The following SERPINI1 variants were observed in gnomAD, a reference collection of about 807,000 sequenced individuals.
SERPINI1 encodes the protein neuroserpin.
A neutral mutation model predicts 41.1 loss-of-function variants in SERPINI1; 19 were observed. That is an observed-to-expected ratio of 0.46 (90% confidence interval 0.32 to 0.68). The LOEUF (loss-of-function observed/expected upper bound fraction) is 0.68, where lower values mean the gene tolerates loss of function less well. Among genes scored for constraint, SERPINI1 ranks in the 30% least tolerant of loss-of-function variants. The pLI, the probability that SERPINI1 is intolerant of heterozygous loss-of-function variation, is 0.03. For missense variants in SERPINI1, 460 were observed against 479.2 expected (o/e 0.96, Z 0.37); for synonymous variants, 138 against 156.6 (o/e 0.88, Z 0.89).
chr3:167,784,569 G>A (rs1727242120), intron 1 of SERPINI1, among the ~76,000 whole-genome samples: 2 of 152,294 alleles, frequency 1.3e-5, no homozygotes, highest in Admixed American at 6.5e-5. Flanking sequence ...GGCCTCAGGA[G>A]ACTTACAATC....
chr3:167,805,371 T>G (rs1226361760), intron 5 of SERPINI1, among the ~76,000 whole-genome samples: 3 of 152,234 alleles, frequency 2.0e-5, no homozygotes, highest in Non-Finnish European at 4.4e-5. Flanking sequence ...TTCATATCCT[T>G]TGCCCACTTT....
chr3:167,772,864 C>CTCTCTCTCTCTCTCTATA (rs1374013676), intron 1 of SERPINI1, among the ~76,000 whole-genome samples: 10 of 24,646 alleles, frequency 4.1e-4, no homozygotes, highest in Admixed American at 6.3e-4. Context: ...CTCTCTCTCT[C>CTCTCTCTCTCTCTCTATA]TATATATATA....
intron 1 of SERPINI1, among the ~76,000 whole-genome samples, chr3:167,736,396 C>G (rs1274493254): frequency 6.6e-6 from 1 of 152,194 alleles, no homozygotes; most frequent in Admixed American, 6.5e-5. Context: ...AAAAGTATAA[C>G]TTTTGCCAGC....
chr3:167,790,235 G>C, intron 2 of SERPINI1, 137 bp from the exon 3 acceptor site: 1 of 679,238 alleles, frequency 1.5e-6, no homozygotes, highest in Non-Finnish European at 2.7e-6. Flanking sequence ...CCATATCAAT[G>C]TGGGGGAAAG....
intron 5 of SERPINI1, among the ~76,000 whole-genome samples, chr3:167,805,772 T>C (rs1261566186): frequency 2.6e-5 from 4 of 152,162 alleles, no homozygotes; most frequent in African/African-American, 9.7e-5. Context: ...TAGTCAGTTT[T>C]CGCAGCACCA....
chr3:167,745,085 A>T (rs2108531225), intron 1 of SERPINI1, among the ~76,000 whole-genome samples: 1 of 151,594 alleles, frequency 6.6e-6, no homozygotes, highest in South Asian at 2.1e-4. Context: ...AAGATTAGAT[A>T]ACCTAGATGA....
intron 1 of SERPINI1, among the ~76,000 whole-genome samples, chr3:167,738,220 A>T (rs1725548095): frequency 1.3e-5 from 2 of 152,290 alleles, no homozygotes; most frequent in South Asian, 4.1e-4. Context: ...AATATGTATG[A>T]TGAGAAAGGA....
At chr3:167,789,508 A>G in intron 2 of SERPINI1, 130 bp downstream of exon 2, 2 of 1,077,556 alleles carry the variant, frequency 1.9e-6, no homozygotes. Flanking sequence ...TGGTATGGCT[A>G]GAAGGATTAG....
rs1307976568 is a variant in SERPINI1, at chr3:167,773,987, C to T, written c.-18-15124C>T. Among the ~76,000 whole-genome samples, 6 of 152,034 alleles carry T rather than the reference C, an allele frequency of 3.9e-5. No homozygotes were observed. The East Asian group carries it at 9.6e-4, about 24-fold the overall frequency. On this transcript the variant is annotated intron_variant, in intron 1 of 8. Transcript: ENST00000446050. ...GAGCCACTTAACTTAGGTTGGTGTT[C>T]CATATCAGTTAGAGATTTCTTCTGT...
intron 4 of SERPINI1, among the ~76,000 whole-genome samples, chr3:167,793,596 A>ATATATATATTTTTTTTT: frequency 2.1e-5 from 3 of 140,620 alleles, no homozygotes; most frequent in African/African-American, 8.2e-5. Context: ...ATATATATAT[A>ATATATATATTTTTTTTT]TTTTTAATTA....
At chr3:167,773,325 A>G (rs940594977) in intron 1 of SERPINI1, among the ~76,000 whole-genome samples, 1 of 152,152 alleles carries the variant, frequency 6.6e-6, no homozygotes, top group Non-Finnish European at 1.5e-5. Flanking sequence ...TGATTCAGAA[A>G]AATAAATTAA....
chr3:167,793,187 A>C (rs1415088153), intron 4 of SERPINI1, among the ~76,000 whole-genome samples: 1 of 152,140 alleles, frequency 6.6e-6, no homozygotes, highest in Non-Finnish European at 1.5e-5. Flanking sequence ...CTTTTAAAAA[A>C]ATTTGATTTT....
chr3:167,751,439 T>C (rs1158446323), intron 1 of SERPINI1, among the ~76,000 whole-genome samples: 1 of 152,226 alleles, frequency 6.6e-6, no homozygotes, highest in Non-Finnish European at 1.5e-5. Context: ...AGAATAGTTT[T>C]TCAAAGCTTA....
At chr3:167,788,566 C>A (rs1376018468) in intron 1 of SERPINI1, among the ~76,000 whole-genome samples, 1 of 152,150 alleles carries the variant, frequency 6.6e-6, no homozygotes, top group Non-Finnish European at 1.5e-5. Context: ...GAGTCTGCTC[C>A]TTCTCTGGTT....
intron 6 of SERPINI1, among the ~76,000 whole-genome samples, chr3:167,816,999 A>G (rs1455303287): frequency 6.6e-6 from 1 of 152,070 alleles, no homozygotes; most frequent in Non-Finnish European, 1.5e-5. Flanking sequence ...TATACTGAGC[A>G]GGTATGGAGG....
rs115798661 is a variant in SERPINI1, at chr3:167,785,586, T to C, written c.-18-3525T>C. On this transcript the variant is annotated intron_variant, in intron 1 of 8. Coordinates refer to ENST00000446050, the MANE Select transcript of SERPINI1 (RefSeq NM_001122752.2). ...TAAGCCTGCATTTCCATTAATAAAA[T>C]GGAGATAATAAGTGTCTGTACTTAT... 5.9e-3 allele frequency among the ~76,000 whole-genome samples: 896 copies of C among 152,304 alleles called. 12 individuals are homozygous for C. Among genetic ancestry groups the C allele is most frequent in the African/African-American group, 0.021 (872 of 41,562 alleles).
rs3061436 is a variant in SERPINI1 at position 167,803,284 on chromosome 3, AAAATAAATAAAT to A, written c.882-3941_882-3930del. ...CAAAACTTAAAGTATAATAATAATA[AAAATAAATAAAT>A]AAATAAATAAATAAATAAGACAATA... On this transcript the variant is annotated intron_variant, in intron 5 of 8. Coordinates refer to ENST00000446050, the MANE Select transcript of SERPINI1 (RefSeq NM_001122752.2). Among the ~76,000 whole-genome samples the A allele has an allele frequency of 8.1e-5, 12 of 147,656 alleles. No homozygotes were observed. In the South Asian group the frequency reaches 1.1e-3, roughly 13 times the overall value.
intron 2 of SERPINI1, 104 bp from the exon 3 acceptor site, chr3:167,790,268 C>G: frequency 1.2e-6 from 1 of 801,212 alleles, no homozygotes; most frequent in Non-Finnish European, 2.2e-6. Flanking sequence ...CCCCCAGGTG[C>G]CTGTTTGGTT....
intron 1 of SERPINI1, among the ~76,000 whole-genome samples, chr3:167,773,257 A>G (rs577719284): frequency 2.1e-4 from 32 of 152,064 alleles, no homozygotes; most frequent in Non-Finnish European, 3.2e-4. Flanking sequence ...TTAAGCTGCT[A>G]TGTAAGCAGC....
Sources: gnomAD v4.1 joint callset for allele counts (sites outside exome capture counted in the v4.1 genomes callset) on GRCh38, gnomAD v4.1.1 for gene constraint, MANE v1.5 for transcripts, NCBI Gene and HGNC (gene_info 2026-07-23, HGNC 2026-07-21) for gene names.